ZMAT4: variants seen among roughly 807,000 people sequenced by gnomAD.
The protein encoded by ZMAT4 is zinc finger matrin-type protein 4.
Under a neutral mutation model 28.7 loss-of-function variants are expected in ZMAT4, and 17 were observed. The observed-to-expected ratio is 0.59, with a 90% CI of 0.41 to 0.89. The LOEUF is 0.89. Among genes scored for constraint, ZMAT4 ranks in the 40% least tolerant of loss-of-function variants. ZMAT4 has a pLI of 0.00. For synonymous variants in ZMAT4, 117 were observed against 109.2 expected, an observed-to-expected ratio of 1.07 and a Z score of -0.44; for missense variants, 240 against 283.8, an observed-to-expected ratio of 0.85 and a Z score of 1.11.
At chr8:40,669,698 A>G (rs1040304140) in intron 5 of ZMAT4, among the ~76,000 whole-genome samples, 1 of 152,218 alleles carries the variant, frequency 6.6e-6, no homozygotes, top group Admixed American at 6.5e-5. Flanking sequence ...CAACTATGTT[A>G]TTGGTAAGGC....
chr8:40,603,968 A>T (rs994484644), intron 5 of ZMAT4, among the ~76,000 whole-genome samples: 1 of 151,878 alleles, frequency 6.6e-6, no homozygotes, highest in African/African-American at 2.4e-5. Context: ...ATTTTAATTA[A>T]TTTTTTTGCA....
chr8:40,580,472 G>T (rs1190053933), intron 6 of ZMAT4, among the ~76,000 whole-genome samples: 1 of 152,150 alleles, frequency 6.6e-6, no homozygotes, highest in African/African-American at 2.4e-5. Flanking sequence ...AAACAATTAT[G>T]CTCAGGAAAA....
chr8:40,601,468 G>GGAAAGAAAGAAAGAAAGAAAAAAGAAA (rs1554525355), intron 5 of ZMAT4, among the ~76,000 whole-genome samples: 539 of 19,966 alleles, frequency 0.027, 53 homozygotes, highest in East Asian at 0.2. Context: ...GAGGAAGAAA[G>GGAAAGAAAGAAAGAAAGAAAAAAGAAA]GAAAGAAAGA....
chr8:40,895,483 C>G (rs1450164266), intron 1 of ZMAT4, among the ~76,000 whole-genome samples: 1 of 152,090 alleles, frequency 6.6e-6, no homozygotes, highest in African/African-American at 2.4e-5. Context: ...CTCCTAGGAT[C>G]CTTTTTTGGT....
intron 3 of ZMAT4, among the ~76,000 whole-genome samples, chr8:40,731,967 C>G (rs12545782): frequency 0.017 from 2,539 of 152,262 alleles, 218 homozygotes; most frequent in Admixed American, 0.14. Context: ...AAACAAGTCA[C>G]TCATGAAAAG....
At position 40,805,126 on chromosome 8, in the gene ZMAT4, A is replaced by G. The variant is rs546275864; in HGVS notation, c.102+20449T>C. 2.0e-5 allele frequency among the ~76,000 whole-genome samples: 3 copies of G among 152,264 alleles called. No individual in the cohort carries two copies. In the South Asian group the frequency reaches 6.2e-4, roughly 32 times the overall value. On this transcript the variant is annotated intron_variant, in intron 2 of 6. Transcript: ENST00000297737. ...AGAAAAAAACAAACAACCCCATCAAAAAGTGGGCGAAGGACATGACTCAAA... is the reference window on the plus strand; with the variant it reads ...AGAAAAAAACAAACAACCCCATCAAGAAGTGGGCGAAGGACATGACTCAAA...
At chr8:40,579,894 C>T (rs973916836) in intron 6 of ZMAT4, among the ~76,000 whole-genome samples, 18 of 152,108 alleles carry the variant, frequency 1.2e-4, no homozygotes, top group African/African-American at 4.1e-4. Context: ...CTGGATTGCT[C>T]CCTCCCCCAT....
intron 6 of ZMAT4, among the ~76,000 whole-genome samples, chr8:40,577,178 G>T: frequency 6.6e-6 from 1 of 151,818 alleles, no homozygotes; most frequent in East Asian, 1.9e-4. Context: ...TGGGGAACAA[G>T]AGTGAAACTC....
At chr8:40,671,072 A>G (rs1200270657) in intron 5 of ZMAT4, among the ~76,000 whole-genome samples, 1 of 152,056 alleles carries the variant, frequency 6.6e-6, no homozygotes, top group East Asian at 1.9e-4. Context: ...ATCTCAAAAA[A>G]AAAAAAAAAA....
At chr8:40,822,187 T>C (rs1815854025) in intron 2 of ZMAT4, among the ~76,000 whole-genome samples, 1 of 152,228 alleles carries the variant, frequency 6.6e-6, no homozygotes, top group African/African-American at 2.4e-5. Flanking sequence ...ACAGGTATTT[T>C]TGCCACACTG....
chr8:40,746,666 C>T (rs1214847518), intron 3 of ZMAT4, among the ~76,000 whole-genome samples: 2 of 152,012 alleles, frequency 1.3e-5, no homozygotes, highest in African/African-American at 2.4e-5. Flanking sequence ...AGTTTTACTA[C>T]TAATAGTGCC....
intron 6 of ZMAT4, among the ~76,000 whole-genome samples, chr8:40,553,761 A>G (rs772630579): frequency 1.3e-5 from 2 of 152,210 alleles, no homozygotes; most frequent in African/African-American, 4.8e-5. Context: ...TCAAACCAAC[A>G]TGATTCCATC....
chr8:40,700,273 G>C (rs767646229), intron 3 of ZMAT4, among the ~76,000 whole-genome samples: 6 of 151,986 alleles, frequency 3.9e-5, no homozygotes, highest in Non-Finnish European at 5.9e-5. Flanking sequence ...TGTAAATCAG[G>C]ACTGTGTGGG....
intron 1 of ZMAT4, among the ~76,000 whole-genome samples, chr8:40,833,096 G>A (rs568035458): frequency 1.3e-5 from 2 of 152,276 alleles, no homozygotes; most frequent in East Asian, 1.9e-4. Context: ...GGTGGTTTTC[G>A]TGATCATCTC....
At chr8:40,818,227 G>C (rs1438349304) in intron 2 of ZMAT4, among the ~76,000 whole-genome samples, 1 of 152,076 alleles carries the variant, frequency 6.6e-6, no homozygotes, top group Non-Finnish European at 1.5e-5. Context: ...ACTGATAAAA[G>C]GTAAGATGCC....
In ZMAT4 at chr8:40,775,180, C is replaced by T. The variant is rs77398772; in HGVS notation, c.103-7450G>A. ...TGTGAAGGAAAGAATAAGTTAACCT[C>T]GGAACAAGAACCCAAGACCCTTGAA... On this transcript the variant is annotated intron_variant, in intron 2 of 6. Transcript: ENST00000297737. Among the ~76,000 whole-genome samples the T allele has an allele frequency of 0.013, 2,009 of 152,270 alleles. 108 individuals carry two copies. The East Asian group carries it at 0.19, about 14-fold the overall frequency.
intron 6 of ZMAT4, among the ~76,000 whole-genome samples, chr8:40,542,086 C>T (rs763413440): frequency 1.3e-5 from 2 of 151,898 alleles, no homozygotes; most frequent in African/African-American, 4.8e-5. Context: ...GTGGAGAGGC[C>T]GGAGGGGAGG....
chr8:40,795,754 C>T (rs965525991), intron 2 of ZMAT4, among the ~76,000 whole-genome samples: 3 of 152,124 alleles, frequency 2.0e-5, no homozygotes, highest in Non-Finnish European at 2.9e-5. Context: ...CAACATTTTC[C>T]GTTCTGCAAA....
At chr8:40,599,886 C>G (rs543669451) in intron 5 of ZMAT4, among the ~76,000 whole-genome samples, 1 of 152,214 alleles carries the variant, frequency 6.6e-6, no homozygotes, top group African/African-American at 2.4e-5. Context: ...TTCCTTACCA[C>G]GCACAGTGCC....
Sources: allele counts gnomAD v4.1 joint callset (sites outside exome capture counted in the v4.1 genomes callset), GRCh38; gene constraint gnomAD v4.1.1; transcripts MANE v1.5; gene names NCBI Gene and HGNC (gene_info 2026-07-23, HGNC 2026-07-21).